The following NAV2 variants were observed in gnomAD, a reference collection of about 807,000 sequenced individuals.
NAV2 encodes the protein helicase, APC down-regulated 1.
Under a neutral mutation model 223.2 loss-of-function variants are expected in NAV2, and 54 were observed. The observed-to-expected ratio is 0.24, with a 90% CI of 0.19 to 0.30. NAV2 has a LOEUF of 0.30. NAV2 is among the 10% of genes least tolerant of loss of function. The pLI, the probability that NAV2 is intolerant of heterozygous loss-of-function variation, is 1.00. For synonymous variants in NAV2, 1,279 were observed against 1,239.3 expected, an observed-to-expected ratio of 1.03 and a Z score of -0.67; for missense variants, 2,806 against 3,147.5, an observed-to-expected ratio of 0.89 and a Z score of 2.60.
intron 1 of NAV2, among the ~76,000 whole-genome samples, chr11:19,580,574 A>T (rs1374279149): frequency 6.6e-6 from 1 of 152,194 alleles, no homozygotes; most frequent in Non-Finnish European, 1.5e-5. Flanking sequence ...ATTGGGGGTT[A>T]AATTTCAACA....
chr11:20,025,086 C>G (rs574369640), intron 11 of NAV2, among the ~76,000 whole-genome samples: 110 of 152,280 alleles, frequency 7.2e-4, no homozygotes, highest in South Asian at 2.9e-3. Context: ...GTTTCAGAAT[C>G]AGGCAGATCT....
chr11:19,616,174 T>C (rs1222044060), intron 1 of NAV2, among the ~76,000 whole-genome samples: 5 of 152,052 alleles, frequency 3.3e-5, no homozygotes, highest in African/African-American at 1.2e-4. Flanking sequence ...TGTATTCACA[T>C]TTAGGCCTAC....
chr11:20,053,310 G>T (rs1299612869), intron 17 of NAV2, among the ~76,000 whole-genome samples: 1 of 151,114 alleles, frequency 6.6e-6, no homozygotes, highest in Non-Finnish European at 1.5e-5. Context: ...ATCAAACATG[G>T]ATTGAAATCT....
intron 1 of NAV2, among the ~76,000 whole-genome samples, chr11:19,770,068 A>G (rs2055585572): frequency 6.6e-6 from 1 of 152,170 alleles, no homozygotes; most frequent in East Asian, 1.9e-4. Context: ...AAAAACCAAC[A>G]GACAAATGCA....
At chr11:19,377,566 T>C (rs1250920628) in intron 1 of NAV2, among the ~76,000 whole-genome samples, 1 of 152,226 alleles carries the variant, frequency 6.6e-6, no homozygotes. Flanking sequence ...TATTTCCATA[T>C]TCCCAGTATG....
chr11:19,649,559 G>A (rs1383401339), intron 1 of NAV2, among the ~76,000 whole-genome samples: 4 of 152,176 alleles, frequency 2.6e-5, no homozygotes, highest in Non-Finnish European at 5.9e-5. Context: ...TTCTCACAGC[G>A]AGAGTGGAGG....
intron 11 of NAV2, chr11:20,022,862 A>G (rs2054630395): frequency 5.3e-6 from 7 of 1,323,788 alleles, no homozygotes; most frequent in Middle Eastern, 2.8e-4. Flanking sequence ...ACTTGATACC[A>G]GCACTGAGGC....
chr11:19,747,539 G>GGCT (rs2053477717), intron 1 of NAV2, among the ~76,000 whole-genome samples: 2 of 152,082 alleles, frequency 1.3e-5, no homozygotes, highest in South Asian at 4.1e-4. Context: ...AGTCAGAAAG[G>GGCT]GCTGAATGAA....
chr11:19,955,759 A>C (rs1017012460), intron 10 of NAV2, among the ~76,000 whole-genome samples: 2 of 152,200 alleles, frequency 1.3e-5, no homozygotes, highest in African/African-American at 4.8e-5. Flanking sequence ...GATTAATAGC[A>C]TGAAAGGCTC....
At chr11:19,838,568 T>G (rs550522736) in intron 2 of NAV2, among the ~76,000 whole-genome samples, 1 of 152,314 alleles carries the variant, frequency 6.6e-6, no homozygotes, top group Admixed American at 6.5e-5. Flanking sequence ...AGAGTTGATT[T>G]TTCAGGCTGA....
At position 19,428,811 on chromosome 11, in the gene NAV2, G is replaced by A. The variant is rs1231555098; in HGVS notation, c.75+77784G>A. On this transcript the variant is annotated intron_variant, in intron 1 of 37. Transcript: ENST00000360655. The stretch of plus-strand genomic sequence containing the variant: ...CTGTTAACTTGTGAAATGAGCAGAG[G>A]TGTACAAGCTGATTGTGGGAAACTT... Among the ~76,000 whole-genome samples, 4 of 152,216 alleles carry A rather than the reference G, an allele frequency of 2.6e-5. No individual in the cohort carries two copies. The East Asian group carries it at 7.7e-4, about 29-fold the overall frequency.
At chr11:19,749,801 G>C (rs1359384936) in intron 1 of NAV2, among the ~76,000 whole-genome samples, 1 of 152,216 alleles carries the variant, frequency 6.6e-6, no homozygotes, top group Non-Finnish European at 1.5e-5. Context: ...AGGAATTCAG[G>C]CTAGAGACTT....
chr11:19,518,107 C>A (rs1461325288), intron 1 of NAV2, among the ~76,000 whole-genome samples: 2 of 152,224 alleles, frequency 1.3e-5, no homozygotes, highest in Non-Finnish European at 2.9e-5. Context: ...GCTTCAATTT[C>A]TTCATTTGGG....
chr11:19,351,772 C>T (rs147141641), intron 1 of NAV2, among the ~76,000 whole-genome samples: 3 of 116,596 alleles, frequency 2.6e-5, no homozygotes, highest in Non-Finnish European at 5.0e-5. Context: ...AAAATAATTT[C>T]TGACATTTCC....
At chr11:19,423,586 A>G (rs1366664665) in intron 1 of NAV2, among the ~76,000 whole-genome samples, 2 of 152,254 alleles carry the variant, frequency 1.3e-5, no homozygotes, top group Non-Finnish European at 2.9e-5. Flanking sequence ...CATGTACAAC[A>G]CACATGTTAT....
In NAV2 at chr11:19,670,939, C is replaced by A. The variant is rs569355334; in HGVS notation, c.76-161545C>A. On this transcript the variant is annotated intron_variant, in intron 1 of 37. Transcript: ENST00000360655. ...GCCAGCGCAGCTAAGGGAGGAGCTC[C>A]TTGGGTCCACCCAGCTCCCCAGCCC... Among the ~76,000 whole-genome samples, 16 of 152,350 alleles carry A rather than the reference C, an allele frequency of 1.1e-4. No individual in the cohort carries two copies. In the South Asian group the frequency reaches 1.4e-3, roughly 14 times the overall value.
At chr11:19,981,841 A>G (rs2050318523) in intron 10 of NAV2, among the ~76,000 whole-genome samples, 1 of 152,222 alleles carries the variant, frequency 6.6e-6, no homozygotes, top group African/African-American at 2.4e-5. Flanking sequence ...TGATGGGTAG[A>G]TTGGCAGATC....
At chr11:19,947,226 C>T (rs1056223830) in intron 9 of NAV2, among the ~76,000 whole-genome samples, 1 of 152,210 alleles carries the variant, frequency 6.6e-6, no homozygotes, top group Non-Finnish European at 1.5e-5. Context: ...CCACTGTCAG[C>T]AGTTTTGGAA....
chr11:20,027,887 A>G (rs139322515), intron 11 of NAV2, among the ~76,000 whole-genome samples: 17 of 152,342 alleles, frequency 1.1e-4, no homozygotes, highest in Middle Eastern at 3.4e-3. Flanking sequence ...AAGGGTGTGT[A>G]TATCCTAGTG....
Sources: allele counts gnomAD v4.1 joint callset (sites outside exome capture counted in the v4.1 genomes callset), GRCh38; gene constraint gnomAD v4.1.1; transcripts MANE v1.5; gene names NCBI Gene and HGNC (gene_info 2026-07-23, HGNC 2026-07-21).